SMAD2: variants seen among roughly 807,000 people sequenced by gnomAD.
SMAD2 encodes the protein SMAD family member 2.
A neutral mutation model predicts 64.4 loss-of-function variants in SMAD2; 8 were observed. The observed-to-expected ratio is 0.12, with a 90% CI of 0.07 to 0.22. SMAD2 has a LOEUF of 0.22. SMAD2 is among the 10% of genes least tolerant of loss of function. The pLI is 1.00. For synonymous variants in SMAD2, 203 were observed against 195.8 expected, an observed-to-expected ratio of 1.04 and a Z score of -0.31; for missense variants, 289 against 561.2, an observed-to-expected ratio of 0.51 and a Z score of 4.90.
intron 2 of SMAD2, among the ~76,000 whole-genome samples, chr18:47,884,142 CATT>C (rs1405519673): frequency 2.0e-5 from 3 of 152,210 alleles, no homozygotes; most frequent in African/African-American, 7.2e-5. Flanking sequence ...CAGACAGCAT[CATT>C]ATGTGAGTAA....
Position 47,815,774 on chromosome 18 carries a change from G to A in SMAD2, c.*26053C>T, listed in dbSNP as rs1247183390. 1 of 152,198 alleles carries A rather than the reference G, an allele frequency of 6.6e-6. No individual in the cohort carries two copies. Among genetic ancestry groups the A allele is most frequent in the Non-Finnish European group, 1.5e-5 (1 of 68,050 alleles). The allele number at this position is 152,198 out of a possible 1,614,324, so 9.4% of individuals were successfully genotyped here. A position where few individuals can be genotyped will look rare whatever the true frequency, so the allele number is the denominator to read the frequency against. Reference sequence around the variant, plus strand: ...ATAGCAGGGATAGAAAGTAGTTATGGGGCTTGCAAGGACATTGTCTTAATT... The same window carrying A: ...ATAGCAGGGATAGAAAGTAGTTATGAGGCTTGCAAGGACATTGTCTTAATT... On this transcript the variant is annotated 3_prime_UTR_variant, in exon 11 of 11. Transcript: ENST00000262160.
rs1429484910 is a variant in SMAD2 at position 47,810,081 on chromosome 18, T to C, written c.*31746A>G. The C allele has an allele frequency of 6.6e-6, 1 of 152,182 alleles. No individual in the cohort carries two copies. The highest frequency in any genetic ancestry group is 2.4e-5 in the African/African-American group (1 of 41,432). 9.4% of individuals were successfully genotyped at this position (152,182 alleles called of 1,614,324 possible). ...GAGGGCTTCTGCCATCCTGCCTGCC[T>C]AGACGAGCTGATCTGAGTACAATCA... On this transcript the variant is annotated 3_prime_UTR_variant, in exon 11 of 11. Coordinates refer to ENST00000262160, the MANE Select transcript of SMAD2 (RefSeq NM_005901.6).
At position 47,841,531 on chromosome 18, in the gene SMAD2, T is replaced by C. The variant is rs904572178; in HGVS notation, c.*296A>G. On this transcript the variant is annotated 3_prime_UTR_variant, in exon 11 of 11. Coordinates refer to ENST00000262160, the MANE Select transcript of SMAD2 (RefSeq NM_005901.6). Reference sequence around the variant, plus strand: ...ATGATACATTACCTGTACACATAACTACTACTGTTATTAATAAACCTTTGG... The same window carrying C: ...ATGATACATTACCTGTACACATAACCACTACTGTTATTAATAAACCTTTGG... The C allele has an allele frequency of 9.1e-5, 43 of 472,738 alleles. No homozygotes were observed. The highest frequency in any genetic ancestry group is 1.4e-4 in the Non-Finnish European group (35 of 255,602). 29.3% of individuals were successfully genotyped at this position (472,738 alleles called of 1,614,324 possible).
rs567172426 is a variant in SMAD2 at position 47,840,521 on chromosome 18, C to T, written c.*1306G>A. 9.6e-4 allele frequency: 222 copies of T among 232,434 alleles called. 1 individual carries two copies. The highest frequency in any genetic ancestry group is 1.5e-3 in the Non-Finnish European group (177 of 117,546). The allele number at this position is 232,434 out of a possible 1,614,324, so 14.4% of individuals were successfully genotyped here. A position where few individuals can be genotyped will look rare whatever the true frequency, so the allele number is the denominator to read the frequency against. On this transcript the variant is annotated 3_prime_UTR_variant, in exon 11 of 11. Coordinates refer to ENST00000262160, the MANE Select transcript of SMAD2 (RefSeq NM_005901.6). ...GCTAAAAAACTTGCTAAATAAATGG[C>T]TTTTCCCCCAATTTTTAAAATTCTG...
chr18:47,861,731 C>T (rs2031203763), intron 6 of SMAD2, among the ~76,000 whole-genome samples: 1 of 152,142 alleles, frequency 6.6e-6, no homozygotes, highest in Non-Finnish European at 1.5e-5. Context: ...AAATCAAGTG[C>T]TTCTGTGTCT....
intron 5 of SMAD2, among the ~76,000 whole-genome samples, chr18:47,865,569 A>T (rs976981533): frequency 6.6e-6 from 1 of 152,214 alleles, no homozygotes; most frequent in Non-Finnish European, 1.5e-5. Flanking sequence ...TTTGGATTAT[A>T]AAAGTATTAA....
chr18:47,843,681 T>C (rs1568033098), intron 10 of SMAD2, among the ~76,000 whole-genome samples: 1 of 152,234 alleles, frequency 6.6e-6, no homozygotes, highest in East Asian at 1.9e-4. Context: ...CCATTTTGAT[T>C]TGTAAATGTT....
chr18:47,857,079 G>C (rs544225490), intron 6 of SMAD2, among the ~76,000 whole-genome samples: 1 of 151,870 alleles, frequency 6.6e-6, no homozygotes, highest in Non-Finnish European at 1.5e-5. Flanking sequence ...GGATGGTCTC[G>C]ATCTCCTGAC....
intron 1 of SMAD2, chr18:47,912,127 AG>A (rs2034160976): frequency 6.6e-6 from 1 of 152,252 alleles, no homozygotes; most frequent in Non-Finnish European, 1.5e-5. Context: ...TGTTTTCTAA[AG>A]ACAGGAAACG....
Position 47,849,495 on chromosome 18 carries a change from A to G in SMAD2, c.785-808T>C, listed in dbSNP as rs1047832489. Among the ~76,000 whole-genome samples, 980 of 147,880 alleles carry G rather than the reference A, an allele frequency of 6.6e-3. 12 individuals are homozygous for G. The highest frequency in any genetic ancestry group is 0.023 in the African/African-American group (886 of 38,854). ...GTAATACAGAAATGTATGTATATAT[A>G]TATATATATATATAGTCATCCCTTG... is the stretch of plus-strand genomic sequence containing the variant. On this transcript the variant is annotated intron_variant, in intron 7 of 10. Transcript: ENST00000262160.
At chr18:47,930,201 G>A (rs896403729) in intron 1 of SMAD2, 160 bp downstream of exon 1, 3 of 152,424 alleles carry the variant, frequency 2.0e-5, no homozygotes, top group Middle Eastern at 3.4e-3. Flanking sequence ...CCGGCTCTCC[G>A]GCCCCGAACC....
rs573069950 is a variant in SMAD2 at position 47,837,870 on chromosome 18, C to T, written c.*3957G>A. 2 of 232,832 alleles carry T rather than the reference C, an allele frequency of 8.6e-6. No homozygotes were observed. The highest frequency in any genetic ancestry group is 6.0e-5 in the East Asian group (1 of 16,606). 14.4% of individuals were successfully genotyped at this position (232,832 alleles called of 1,614,324 possible). On this transcript the variant is annotated 3_prime_UTR_variant, in exon 11 of 11. Transcript: ENST00000262160. The stretch of plus-strand genomic sequence containing the variant: ...GAATGTTCAGCTTTTAAAGTAAAGA[C>T]TGTACATGAAGACATATTTTATGTA...
In SMAD2 at chr18:47,860,313, C is replaced by T. The variant is rs541573591; in HGVS notation, c.730+4746G>A. Among the ~76,000 whole-genome samples, 36 of 152,138 alleles carry T rather than the reference C, an allele frequency of 2.4e-4. 1 individual carries two copies. In the South Asian group the frequency reaches 7.5e-3, roughly 32 times the overall value. On this transcript the variant is annotated intron_variant, in intron 6 of 10. Transcript: ENST00000262160. The stretch of plus-strand genomic sequence containing the variant: ...TTTGAATACAAGGTCTCGCTGTTGC[C>T]CAGGCTGGAGTGCAGCGGCGCAAAC...
Position 47,824,023 on chromosome 18 carries a change from G to C in SMAD2, c.*17804C>G, listed in dbSNP as rs1912663146. The C allele has an allele frequency of 6.6e-6, 1 of 152,302 alleles. No individual in the cohort carries two copies. The highest frequency in any genetic ancestry group is 6.5e-5 in the Admixed American group (1 of 15,298). 9.4% of individuals were successfully genotyped at this position (152,302 alleles called of 1,614,324 possible). A position where few individuals can be genotyped will look rare whatever the true frequency, so the allele number is the denominator to read the frequency against. ...TCCCTGCCCTCAAAGGTGGCTAAAAGGGTTTTAACACTGACTTTTAGTTGC... is the reference window on the plus strand; with the variant it reads ...TCCCTGCCCTCAAAGGTGGCTAAAACGGTTTTAACACTGACTTTTAGTTGC... On this transcript the variant is annotated 3_prime_UTR_variant, in exon 11 of 11. Coordinates refer to ENST00000262160, the MANE Select transcript of SMAD2 (RefSeq NM_005901.6).
rs1476798026 is a variant in SMAD2 at position 47,825,293 on chromosome 18, T to C, written c.*16534A>G. 6.6e-6 allele frequency: 1 copy of C among 152,194 alleles called. No homozygotes were observed. Among genetic ancestry groups the C allele is most frequent in the Middle Eastern group, 3.2e-3 (1 of 316 alleles). 9.4% of individuals were successfully genotyped at this position (152,194 alleles called of 1,614,324 possible). ...GTATGATGAGATTTTATCTTCATTGTGGTGGTGTTGAGAGCTGGGGCCTAG... is the reference window on the plus strand; with the variant it reads ...GTATGATGAGATTTTATCTTCATTGCGGTGGTGTTGAGAGCTGGGGCCTAG... On this transcript the variant is annotated 3_prime_UTR_variant, in exon 11 of 11. Transcript: ENST00000262160.
In SMAD2 at chr18:47,831,142, C is replaced by G. The variant is rs1912974762; in HGVS notation, c.*10685G>C. 1 of 152,196 alleles carries G rather than the reference C, an allele frequency of 6.6e-6. No individual in the cohort carries two copies. Among genetic ancestry groups the G allele is most frequent in the Non-Finnish European group, 1.5e-5 (1 of 68,042 alleles). The allele number at this position is 152,196 out of a possible 1,614,324, so 9.4% of individuals were successfully genotyped here. On this transcript the variant is annotated 3_prime_UTR_variant, in exon 11 of 11. Coordinates refer to ENST00000262160, the MANE Select transcript of SMAD2 (RefSeq NM_005901.6). Reference sequence around the variant, plus strand: ...ATACAGCTATCCTTGGCTTTTAACTCCAAGCTATCTAGGCCTTGTGATTAT... The same window carrying G: ...ATACAGCTATCCTTGGCTTTTAACTGCAAGCTATCTAGGCCTTGTGATTAT...
chr18:47,858,093 A>T (rs1466415191), intron 6 of SMAD2, among the ~76,000 whole-genome samples: 2 of 152,292 alleles, frequency 1.3e-5, no homozygotes, highest in Admixed American at 6.5e-5. Context: ...TTAATCTCTA[A>T]TATTATTATA....
Position 47,837,753 on chromosome 18 carries a change from G to A in SMAD2, c.*4074C>T. 1 of 232,678 alleles carries A rather than the reference G, an allele frequency of 4.3e-6. No individual in the cohort carries two copies. Among genetic ancestry groups the A allele is most frequent in the Non-Finnish European group, 8.5e-6 (1 of 117,754 alleles). The allele number at this position is 232,678 out of a possible 1,614,324, so 14.4% of individuals were successfully genotyped here. On this transcript the variant is annotated 3_prime_UTR_variant, in exon 11 of 11. Coordinates refer to ENST00000262160, the MANE Select transcript of SMAD2 (RefSeq NM_005901.6). ...CTAAGTATCAATGCCTTCGATCAGAGTAAGAAAAAAGTATTCATTGTTCAT... is the reference window on the plus strand; with the variant it reads ...CTAAGTATCAATGCCTTCGATCAGAATAAGAAAAAAGTATTCATTGTTCAT...
intron 7 of SMAD2, among the ~76,000 whole-genome samples, chr18:47,850,348 T>TTA (rs1491458267): frequency 6.0e-5 from 2 of 33,600 alleles, no homozygotes; most frequent in African/African-American, 2.6e-4. Context: ...GTTATATATA[T>TTA]TATACATAAT....
Sources: gnomAD v4.1 joint callset for allele counts (sites outside exome capture counted in the v4.1 genomes callset) on GRCh38, gnomAD v4.1.1 for gene constraint, MANE v1.5 for transcripts, NCBI Gene and HGNC (gene_info 2026-07-23, HGNC 2026-07-21) for gene names.